Variants in CDYL2 observed in about 807,000 individuals in gnomAD.
CDYL2 encodes chromodomain Y-like protein 2.
Under a neutral mutation model 49.4 loss-of-function variants are expected in CDYL2, and 23 were observed. That is an observed-to-expected ratio of 0.47 (90% CI 0.34 to 0.66). CDYL2 has a LOEUF of 0.66. CDYL2 is among the 30% of genes least tolerant of loss of function. The pLI is 0.01. For synonymous variants in CDYL2, 360 were observed against 268.8 expected (o/e 1.34, Z -3.32); for missense variants, 678 against 656.4 (o/e 1.03, Z -0.36).
chr16:80,659,985 AAAGG>A (rs1908975547), intron 2 of CDYL2, among the ~76,000 whole-genome samples: 2 of 152,122 alleles, frequency 1.3e-5, no homozygotes, highest in African/African-American at 4.8e-5. Context: ...ATATTGTCAA[AAAGG>A]AATGGCAGAC....
At chr16:80,722,564 C>G (rs1459091817) in intron 1 of CDYL2, among the ~76,000 whole-genome samples, 1 of 152,196 alleles carries the variant, frequency 6.6e-6, no homozygotes, top group Non-Finnish European at 1.5e-5. Context: ...ATTGTCAGAA[C>G]ATAACTAAGC....
chr16:80,635,447 T>C (rs1907776242), intron 2 of CDYL2, among the ~76,000 whole-genome samples: 1 of 152,036 alleles, frequency 6.6e-6, no homozygotes. Context: ...AAATCATGAG[T>C]GAACTACCAT....
intron 2 of CDYL2, among the ~76,000 whole-genome samples, chr16:80,666,989 T>C (rs535227208): frequency 6.6e-6 from 1 of 152,318 alleles, no homozygotes; most frequent in East Asian, 1.9e-4. Context: ...ATTACCCGAA[T>C]AATCAGTGTG....
At chr16:80,620,714 G>A (rs761072129) in intron 4 of CDYL2, 49 bp downstream of exon 4, 1 of 1,458,354 alleles carries the variant, frequency 6.9e-7, no homozygotes, top group Non-Finnish European at 9.1e-7. Flanking sequence ...ATTTTTACTT[G>A]GTAATCCTAC....
At chr16:80,606,009 C>G (rs751486228) in intron 6 of CDYL2, among the ~76,000 whole-genome samples, 1 of 152,252 alleles carries the variant, frequency 6.6e-6, no homozygotes, top group African/African-American at 2.4e-5. Flanking sequence ...CTCTGGCAGA[C>G]GTTACAGCCA....
intron 2 of CDYL2, among the ~76,000 whole-genome samples, chr16:80,665,289 C>A (rs1440225956): frequency 6.6e-6 from 1 of 152,020 alleles, no homozygotes; most frequent in Non-Finnish European, 1.5e-5. Context: ...GTGGTATCCA[C>A]GTTCATGTAG....
Position 80,782,529 on chromosome 16 carries a change from A to AG in CDYL2, c.24+21620dup, listed in dbSNP as rs1255197683. ...TGATCCCAAAGCCAAAGACATAAGG[A>AG]GAAAAAAAAAAAAAAAAAAAAAACT... On this transcript the variant is annotated intron_variant, in intron 1 of 6. Transcript: ENST00000570137. 2.1e-3 allele frequency among the ~76,000 whole-genome samples: 297 copies of AG among 139,008 alleles called. 1 individual carries two copies. The highest frequency in any genetic ancestry group is 7.5e-3 in the African/African-American group (272 of 36,074). 91.2% of individuals were successfully genotyped at this position (139,008 alleles called of 152,430 possible).
intron 1 of CDYL2, among the ~76,000 whole-genome samples, chr16:80,691,189 C>T (rs878934774): frequency 2.0e-5 from 3 of 152,188 alleles, no homozygotes; most frequent in South Asian, 4.1e-4. Context: ...TCCCTGAAGA[C>T]CTTTCTTTCT....
intron 1 of CDYL2, among the ~76,000 whole-genome samples, chr16:80,737,713 CAG>C (rs1168515129): frequency 6.6e-6 from 1 of 152,196 alleles, no homozygotes; most frequent in Non-Finnish European, 1.5e-5. Context: ...GCTGCACATC[CAG>C]AGTTTCCGAT....
At chr16:80,784,837 T>G (rs1233505879) in intron 1 of CDYL2, among the ~76,000 whole-genome samples, 2 of 151,864 alleles carry the variant, frequency 1.3e-5, no homozygotes, top group Non-Finnish European at 2.9e-5. Context: ...CACAAGGAGG[T>G]CTATCCTGGT....
At chr16:80,748,506 T>TAAAAAAAAAAAAAA (rs538432449) in intron 1 of CDYL2, among the ~76,000 whole-genome samples, 1 of 19,138 alleles carries the variant, frequency 5.2e-5, no homozygotes, top group African/African-American at 1.6e-4. Context: ...AAAACTCCAT[T>TAAAAAAAAAAAAAA]AAAAAAAAAA....
intron 2 of CDYL2, among the ~76,000 whole-genome samples, chr16:80,662,288 ACC>A (rs1567560565): frequency 1.3e-5 from 2 of 152,066 alleles, no homozygotes; most frequent in African/African-American, 4.8e-5. Flanking sequence ...AAATAGTAAC[ACC>A]TTGTGTGGCT....
At chr16:80,695,389 G>C (rs1033347699) in intron 1 of CDYL2, among the ~76,000 whole-genome samples, 1 of 152,304 alleles carries the variant, frequency 6.6e-6, no homozygotes, top group East Asian at 1.9e-4. Flanking sequence ...ACAAGAGTAA[G>C]TCCTAACCTA....
chr16:80,724,883 G>T (rs1410965118), intron 1 of CDYL2, among the ~76,000 whole-genome samples: 1 of 152,078 alleles, frequency 6.6e-6, no homozygotes, highest in East Asian at 1.9e-4. Flanking sequence ...CTCTTCATAG[G>T]GTGGCCAGGG....
At chr16:80,732,398 A>G (rs1015182703) in intron 1 of CDYL2, among the ~76,000 whole-genome samples, 1 of 152,154 alleles carries the variant, frequency 6.6e-6, no homozygotes, top group African/African-American at 2.4e-5. Context: ...ATCGTGTTGG[A>G]AAGAGCCTTC....
chr16:80,714,737 A>C (rs947856852), intron 1 of CDYL2, among the ~76,000 whole-genome samples: 5 of 152,158 alleles, frequency 3.3e-5, no homozygotes, highest in African/African-American at 7.2e-5. Flanking sequence ...TCTGCATTCT[A>C]CGCTCAATCC....
chr16:80,615,947 T>C (rs74028333), intron 4 of CDYL2, among the ~76,000 whole-genome samples: 14,730 of 152,174 alleles, frequency 0.097, 2,395 homozygotes, highest in African/African-American at 0.34. Flanking sequence ...GCCCTGCAGC[T>C]CCGATATCTG....
chr16:80,652,439 T>G (rs115892338), intron 2 of CDYL2, among the ~76,000 whole-genome samples: 1,607 of 152,276 alleles, frequency 0.011, 27 homozygotes, highest in African/African-American at 0.037. Flanking sequence ...CCATACTGCT[T>G]TAAATAAATG....
chr16:80,704,004 G>A (rs998239932), intron 1 of CDYL2, among the ~76,000 whole-genome samples: 1 of 152,208 alleles, frequency 6.6e-6, no homozygotes, highest in Non-Finnish European at 1.5e-5. Context: ...CAGGATAGCG[G>A]AAGTGTGCAT....
Sources: allele counts gnomAD v4.1 joint callset (sites outside exome capture counted in the v4.1 genomes callset), GRCh38; gene constraint gnomAD v4.1.1; transcripts MANE v1.5; gene names NCBI Gene and HGNC (gene_info 2026-07-23, HGNC 2026-07-21).